Variants in C1QTNF3 observed in about 807,000 individuals in gnomAD.
C1QTNF3 encodes complement C1q tumor necrosis factor-related protein 3.
Under a neutral mutation model 32.6 loss-of-function variants are expected in C1QTNF3, and 26 were observed. The ratio of observed to expected loss-of-function variants is 0.80; its 90% confidence interval spans 0.58 to 1.11. C1QTNF3 has a LOEUF of 1.11. C1QTNF3 is among the 50% of genes least tolerant of loss of function. The pLI, the probability that C1QTNF3 is intolerant of heterozygous loss-of-function variation, is 0.00. For synonymous variants in C1QTNF3, 155 were observed against 146.0 expected (o/e 1.06, Z -0.44); for missense variants, 362 against 398.2 (o/e 0.91, Z 0.77).
the C1QTNF3 span, among the ~76,000 whole-genome samples, chr5:34,057,093 G>C: frequency 1.3e-5 from 2 of 152,086 alleles, no homozygotes; most frequent in Admixed American, 6.5e-5. Context: ...ATTTCCAACT[G>C]TACATCCATC....
chr5:34,084,977 C>T, the C1QTNF3 span, among the ~76,000 whole-genome samples: 3 of 138,410 alleles, frequency 2.2e-5, no homozygotes, highest in Admixed American at 7.3e-5. Flanking sequence ...TTAGGTCTTA[C>T]GTTTAAGTCT....
the C1QTNF3 span, among the ~76,000 whole-genome samples, chr5:34,079,075 TG>T: frequency 6.6e-6 from 1 of 151,698 alleles, no homozygotes; most frequent in Non-Finnish European, 1.5e-5. Context: ...TTGGAGAAGT[TG>T]GTATTCCACT....
the C1QTNF3 span, among the ~76,000 whole-genome samples, chr5:34,211,659 G>C: frequency 6.7e-6 from 1 of 150,208 alleles, no homozygotes; most frequent in Non-Finnish European, 1.5e-5. Context: ...TTTTGTCCTT[G>C]TGATAGTTTA....
At chr5:34,232,960 T>G in the C1QTNF3 span, among the ~76,000 whole-genome samples, 3 of 29,156 alleles carry the variant, frequency 1.0e-4, no homozygotes, top group African/African-American at 1.3e-4. Context: ...TGTTCCCTTA[T>G]AGCAAACTAC....
the C1QTNF3 span, among the ~76,000 whole-genome samples, chr5:34,142,443 A>AC: frequency 6.6e-6 from 1 of 151,228 alleles, no homozygotes; most frequent in Non-Finnish European, 1.5e-5. Flanking sequence ...AAAAAAAAAA[A>AC]AACAGAAAAG....
chr5:34,100,034 A>G, the C1QTNF3 span, among the ~76,000 whole-genome samples: 1 of 151,988 alleles, frequency 6.6e-6, no homozygotes, highest in African/African-American at 2.4e-5. Flanking sequence ...GGTAATTTAT[A>G]AACAACAGAA....
chr5:34,067,489 C>T, the C1QTNF3 span, among the ~76,000 whole-genome samples: 2 of 152,196 alleles, frequency 1.3e-5, no homozygotes. Flanking sequence ...AGGAGCAAGT[C>T]ACATCTTACA....
the C1QTNF3 span, among the ~76,000 whole-genome samples, chr5:34,128,009 G>A: frequency 6.6e-6 from 1 of 152,208 alleles, no homozygotes; most frequent in Non-Finnish European, 1.5e-5. Context: ...AGATCTTCAC[G>A]GCTGCAACTC....
chr5:34,049,340 C>T, the C1QTNF3 span, among the ~76,000 whole-genome samples: 2 of 152,172 alleles, frequency 1.3e-5, no homozygotes, highest in East Asian at 3.9e-4. Flanking sequence ...CAACCTCTTC[C>T]CTTGGTTCCC....
intron 1 of C1QTNF3, among the ~76,000 whole-genome samples, chr5:34,041,724 C>A (rs10074303): frequency 1.9e-3 from 287 of 152,130 alleles, no homozygotes; most frequent in African/African-American, 6.1e-3. Context: ...GCATCCCCCA[C>A]AGAATGGTTT....
chr5:34,129,175 C>T, the C1QTNF3 span, among the ~76,000 whole-genome samples: 16 of 152,140 alleles, frequency 1.1e-4, no homozygotes, highest in Non-Finnish European at 2.4e-4. Context: ...TTGTCTTTTG[C>T]CATGATTGTA....
At chr5:34,025,903 AT>A (rs1380045446) in intron 4 of C1QTNF3, among the ~76,000 whole-genome samples, 2 of 152,192 alleles carry the variant, frequency 1.3e-5, no homozygotes, top group Non-Finnish European at 1.5e-5. Flanking sequence ...TTTAAAGATG[AT>A]TTTCATGACA....
At chr5:34,107,050 G>GT in the C1QTNF3 span, among the ~76,000 whole-genome samples, 4 of 76,732 alleles carry the variant, frequency 5.2e-5, no homozygotes, top group East Asian at 9.8e-4. Flanking sequence ...AGGTTTTAAT[G>GT]TGTAAGCACA....
the C1QTNF3 span, among the ~76,000 whole-genome samples, chr5:34,078,955 T>G: frequency 2.0e-5 from 3 of 151,562 alleles, no homozygotes; most frequent in African/African-American, 7.3e-5. This position sits in a 1 kb window ranked among gnomAD's most constrained non-coding sequence, Gnocchi z 4.0. Flanking sequence ...CGGAAACAAA[T>G]GGCCCTTTTC....
At chr5:34,058,926 T>G in the C1QTNF3 span, among the ~76,000 whole-genome samples, 5 of 152,108 alleles carry the variant, frequency 3.3e-5, no homozygotes, top group Admixed American at 1.3e-4. Flanking sequence ...AGAGTCCCCC[T>G]ACTCAAGGGA....
the C1QTNF3 span, among the ~76,000 whole-genome samples, chr5:34,130,917 A>G: frequency 3.2e-4 from 48 of 152,334 alleles, no homozygotes; most frequent in South Asian, 8.1e-3. Flanking sequence ...TTGAGAAGGT[A>G]TATGTGTCAA....
the C1QTNF3 span, among the ~76,000 whole-genome samples, chr5:34,049,424 T>C: frequency 7.2e-5 from 11 of 152,070 alleles, no homozygotes; most frequent in African/African-American, 2.4e-4. Flanking sequence ...GAAGCCAAGG[T>C]TGACTTCTGT....
At chr5:34,107,548 AAATT>A in the C1QTNF3 span, among the ~76,000 whole-genome samples, 1 of 151,978 alleles carries the variant, frequency 6.6e-6, no homozygotes, top group East Asian at 1.9e-4. Flanking sequence ...AGAATTAAGA[AAATT>A]AATTATTAAT....
At chr5:34,172,830 T>C in the C1QTNF3 span, among the ~76,000 whole-genome samples, 1 of 152,184 alleles carries the variant, frequency 6.6e-6, no homozygotes, top group Non-Finnish European at 1.5e-5. Flanking sequence ...ATTATAAGGA[T>C]ACAAAAACTA....
Sources: allele counts gnomAD v4.1 joint callset (sites outside exome capture counted in the v4.1 genomes callset), GRCh38; gene constraint gnomAD v4.1.1; non-coding constraint Gnocchi (gnomAD v3.1); transcripts MANE v1.5; gene names NCBI Gene and HGNC (gene_info 2026-07-23, HGNC 2026-07-21).